DLG2: variants seen among roughly 807,000 people sequenced by gnomAD.
DLG2 encodes the protein disks large homolog 2.
DLG2 carries 45 observed loss-of-function variants against 132.5 expected under a neutral mutation model. The ratio of observed to expected loss-of-function variants is 0.34; its 90% CI spans 0.27 to 0.44. The LOEUF is 0.44. Ranked by LOEUF, DLG2 falls within the 20% of genes least tolerant of loss-of-function variation. DLG2 has a pLI of 1.00. For synonymous variants in DLG2, 424 were observed against 419.6 expected (o/e 1.01, Z -0.13); for missense variants, 1,045 against 1,196.9 (o/e 0.87, Z 1.87).
chr11:83,917,803 C>G (rs77514826), intron 15 of DLG2, among the ~76,000 whole-genome samples: 3,410 of 152,274 alleles, frequency 0.022, 130 homozygotes, highest in African/African-American at 0.078. Flanking sequence ...TGATAACATA[C>G]AGCATGGTTC....
intron 18 of DLG2, among the ~76,000 whole-genome samples, chr11:83,735,856 G>A (rs556140906): frequency 6.6e-6 from 1 of 152,264 alleles, no homozygotes; most frequent in East Asian, 1.9e-4. Flanking sequence ...CAGGTCCAGG[G>A]AAATGAACTG....
chr11:85,504,713 T>C (rs2093887393), intron 3 of DLG2, among the ~76,000 whole-genome samples: 1 of 152,150 alleles, frequency 6.6e-6, no homozygotes, highest in Non-Finnish European at 1.5e-5. Flanking sequence ...TTTGATTCCA[T>C]ATGAACTTTA....
At chr11:85,335,270 TA>T (rs1315010366) in intron 3 of DLG2, among the ~76,000 whole-genome samples, 1 of 151,690 alleles carries the variant, frequency 6.6e-6, no homozygotes, top group East Asian at 1.9e-4. Context: ...GTTTGTTTAA[TA>T]AATCTTTTTC....
At chr11:85,438,249 C>A (rs2091595638) in intron 3 of DLG2, among the ~76,000 whole-genome samples, 1 of 152,132 alleles carries the variant, frequency 6.6e-6, no homozygotes, top group African/African-American at 2.4e-5. Context: ...GACCCAAACA[C>A]CTCCCAACGG....
intron 21 of DLG2, among the ~76,000 whole-genome samples, chr11:83,494,267 C>T (rs1232185818): frequency 6.6e-6 from 1 of 151,292 alleles, no homozygotes; most frequent in East Asian, 1.9e-4. Flanking sequence ...CTGATAATTA[C>T]CATTTTTAAA....
chr11:85,303,113 T>G (rs1265894232), intron 3 of DLG2, among the ~76,000 whole-genome samples: 1 of 152,210 alleles, frequency 6.6e-6, no homozygotes, highest in African/African-American at 2.4e-5. Context: ...AAGGACATTT[T>G]AGGCTTCATA....
rs140173621 is a variant in DLG2, at chr11:84,570,897, C to T, written c.358-36166G>A. ...CATTTCTGCCAATTTCTTCAGAGAG[C>T]GAAGTTATCTTTGTGACTCAAAGCT... On this transcript the variant is annotated intron_variant, in intron 6 of 27. Transcript: ENST00000376104. 7.7e-4 allele frequency among the ~76,000 whole-genome samples: 117 copies of T among 152,232 alleles called. 1 individual carries two copies. The highest frequency in any genetic ancestry group is 2.4e-3 in the African/African-American group (100 of 41,548).
At position 84,754,712 on chromosome 11, in the gene DLG2, T is replaced by C. The variant is rs891273171; in HGVS notation, c.358-219981A>G. Among the ~76,000 whole-genome samples the C allele has an allele frequency of 2.0e-5, 3 of 152,168 alleles. No homozygotes were observed. The East Asian group carries it at 5.8e-4, about 29-fold the overall frequency. On this transcript the variant is annotated intron_variant, in intron 6 of 27. Coordinates refer to ENST00000376104, the MANE Select transcript of DLG2 (RefSeq NM_001142699.3). ...CTCCTTACAATGTTTTAATCATGAA[T>C]AAATGTCATTACACGTTTGTTGAAA...
At chr11:85,362,703 A>G (rs1489934711) in intron 3 of DLG2, among the ~76,000 whole-genome samples, 1 of 151,960 alleles carries the variant, frequency 6.6e-6, no homozygotes, top group Non-Finnish European at 1.5e-5. Flanking sequence ...TATTCCTTTT[A>G]GTAAATAAAT....
intron 7 of DLG2, among the ~76,000 whole-genome samples, chr11:84,274,776 C>T (rs1278339414): frequency 1.3e-5 from 2 of 152,178 alleles, no homozygotes; most frequent in African/African-American, 4.8e-5. Flanking sequence ...TTCACGAGCA[C>T]ACACCATAAG....
intron 9 of DLG2, among the ~76,000 whole-genome samples, chr11:84,111,647 TA>T (rs1324703096): frequency 6.6e-6 from 1 of 152,234 alleles, no homozygotes; most frequent in Non-Finnish European, 1.5e-5. Context: ...TTGAATCACC[TA>T]ATTAATTCTG....
intron 18 of DLG2, among the ~76,000 whole-genome samples, chr11:83,686,299 T>G (rs939000115): frequency 1.3e-5 from 2 of 152,336 alleles, no homozygotes; most frequent in East Asian, 3.9e-4. Context: ...ACATCCTGTA[T>G]AGAACAGCAT....
At chr11:84,792,092 G>A (rs912561066) in intron 6 of DLG2, among the ~76,000 whole-genome samples, 1 of 152,038 alleles carries the variant, frequency 6.6e-6, no homozygotes, top group African/African-American at 2.4e-5. Flanking sequence ...CTTTTATTAT[G>A]TTGTAGTATG....
intron 6 of DLG2, among the ~76,000 whole-genome samples, chr11:85,082,271 C>T (rs1593837921): frequency 6.6e-6 from 1 of 152,030 alleles, no homozygotes; most frequent in Non-Finnish European, 1.5e-5. Context: ...AACCTTCAAA[C>T]TAAAGCATTT....
chr11:83,869,620 T>C (rs2063053942), intron 16 of DLG2, among the ~76,000 whole-genome samples: 2 of 152,242 alleles, frequency 1.3e-5, no homozygotes, highest in South Asian at 4.1e-4. Flanking sequence ...TTCCCTTAGA[T>C]CTGTTTATAA....
intron 3 of DLG2, among the ~76,000 whole-genome samples, chr11:85,547,658 G>C (rs2076417640): frequency 6.6e-6 from 1 of 152,064 alleles, no homozygotes; most frequent in Non-Finnish European, 1.5e-5. Context: ...CATAGTCCCA[G>C]ATTTCTTGGA....
chr11:83,969,770 A>G (rs944873529), intron 12 of DLG2, among the ~76,000 whole-genome samples: 1 of 152,042 alleles, frequency 6.6e-6, no homozygotes, highest in African/African-American at 2.4e-5. Context: ...ACAGGGTTTC[A>G]CCATGTTGGC....
chr11:84,013,125 A>G (rs1015792501), intron 11 of DLG2, among the ~76,000 whole-genome samples: 118 of 152,144 alleles, frequency 7.8e-4, no homozygotes, highest in African/African-American at 2.7e-3. Context: ...GACCTCCAGA[A>G]ATGAAGTAAT....
chr11:84,073,644 C>T lies in DLG2; in HGVS notation c.750-14160G>A, dbSNP rs7104001. Among the ~76,000 whole-genome samples the T allele has an allele frequency of 8.1e-3, 1,235 of 152,292 alleles. 10 individuals are homozygous for T. Among genetic ancestry groups the T allele is most frequent in the African/African-American group, 0.028 (1,177 of 41,546 alleles). Reference sequence around the variant, plus strand: ...ATACAAAGCTAGTTCTACTTAAGCACATCTTTTAAACTTTAGCGGTTAGGC... The same window carrying T: ...ATACAAAGCTAGTTCTACTTAAGCATATCTTTTAAACTTTAGCGGTTAGGC... On this transcript the variant is annotated intron_variant, in intron 10 of 27. Coordinates refer to ENST00000376104, the MANE Select transcript of DLG2 (RefSeq NM_001142699.3).
Sources: allele counts gnomAD v4.1 joint callset (sites outside exome capture counted in the v4.1 genomes callset), GRCh38; gene constraint gnomAD v4.1.1; transcripts MANE v1.5; gene names NCBI Gene and HGNC (gene_info 2026-07-23, HGNC 2026-07-21).